Variants in TRAF5 observed in about 807,000 individuals in gnomAD.
TRAF5 encodes TNF receptor associated factor 5, also known as TNF receptor-associated factor 5.
In TRAF5, 48 loss-of-function variants were observed where a neutral mutation model predicts 64.5. That is an observed-to-expected ratio of 0.74 (90% CI 0.59 to 0.95). The LOEUF is 0.95. Ranked by LOEUF, TRAF5 falls within the 40% of genes least tolerant of loss-of-function variation. TRAF5 has a pLI of 0.00. For missense variants in TRAF5, 545 were observed against 662.8 expected (o/e 0.82, Z 1.95); for synonymous variants, 206 against 240.5 (o/e 0.86, Z 1.33).
At position 211,360,686 on chromosome 1, in the gene TRAF5, A is replaced by G. The variant is rs996967038; in HGVS notation, c.544-16A>G. ...GAAAGACAACCCTTTGTTTTATTGC[A>G]CTTTCTCTATTTCAGAATCATGAGG... On this transcript the variant is annotated splice_polypyrimidine_tract_variant and intron_variant, in intron 5 of 10. Coordinates refer to ENST00000261464, the MANE Select transcript of TRAF5 (RefSeq NM_001033910.3). 2 of 1,606,292 alleles carry G rather than the reference A, an allele frequency of 1.2e-6. No individual in the cohort carries two copies. The highest frequency in any genetic ancestry group is 1.7e-6 in the Non-Finnish European group (2 of 1,173,130).
chr1:211,355,026 A>C (rs1702915494), intron 3 of TRAF5, among the ~76,000 whole-genome samples: 1 of 152,122 alleles, frequency 6.6e-6, no homozygotes, highest in South Asian at 2.1e-4. Flanking sequence ...TACAGAAATT[A>C]GCTAGGTGTG....
In TRAF5 at chr1:211,353,226, C is replaced by A; in HGVS notation, c.-1-13C>A. On this transcript the variant is annotated splice_polypyrimidine_tract_variant and intron_variant, in intron 1 of 10. Transcript: ENST00000261464. ...CACACTTAATTTTCCCTCTCCTCCC[C>A]TGACCTCTGCAGAATGGCTTATTCA... The A allele has an allele frequency of 6.2e-7, 1 of 1,613,702 alleles. No homozygotes were observed. Among genetic ancestry groups the A allele is most frequent in the Non-Finnish European group, 8.5e-7 (1 of 1,179,664 alleles).
chr1:211,332,796 A>G (rs1702190728), intron 1 of TRAF5, among the ~76,000 whole-genome samples: 1 of 152,214 alleles, frequency 6.6e-6, no homozygotes, highest in South Asian at 2.1e-4. Context: ...AGAACATTTT[A>G]GTCACCCTTA....
intron 8 of TRAF5, among the ~76,000 whole-genome samples, chr1:211,365,727 G>T (rs1013270577): frequency 2.0e-5 from 3 of 152,120 alleles, no homozygotes; most frequent in African/African-American, 4.8e-5. Context: ...TGTTTTAATC[G>T]TAAGTAGCAT....
At chr1:211,358,087 A>AG (rs1256289004) in intron 4 of TRAF5, 1 of 152,224 alleles carries the variant, frequency 6.6e-6, no homozygotes, top group Non-Finnish European at 1.5e-5. Flanking sequence ...AAGGACCCTC[A>AG]GGGGGACAAG....
chr1:211,358,497 A>C (rs11804883), intron 4 of TRAF5: 1,538 of 150,848 alleles, frequency 0.01, 22 homozygotes, highest in African/African-American at 0.035. Context: ...AAAACAAAAA[A>C]AAACCTAGAA....
rs749438423 is a variant in TRAF5, at chr1:211,353,346, T to C, written c.107T>C (p.Val36Ala). ...DFEPSIEYQF[V>A]ERLEERYKCA... ...GAGCCCAGTATAGAGTACCAGTTTG[T>C]GGAGCGGTTGGAAGAGCGCTACAAA... Residue 36 changes from valine to alanine, a missense_variant, in exon 2 of 11, where the codon GTG becomes GCG. Coordinates refer to ENST00000261464, the MANE Select transcript of TRAF5 (RefSeq NM_001033910.3). 2 of 1,614,130 alleles carry C rather than the reference T, an allele frequency of 1.2e-6. No homozygotes were observed. Among genetic ancestry groups the C allele is most frequent in the African/African-American group, 1.3e-5 (1 of 74,946 alleles).
chr1:211,371,508 T>C, intron 10 of TRAF5, 38 bp downstream of exon 10: 1 of 1,591,166 alleles, frequency 6.3e-7, no homozygotes, highest in Non-Finnish European at 8.5e-7. Context: ...GGTGACTCAT[T>C]TGTCTGCATG....
chr1:211,345,367 C>G (rs958361122), intron 1 of TRAF5, among the ~76,000 whole-genome samples: 33 of 151,926 alleles, frequency 2.2e-4, no homozygotes, highest in African/African-American at 7.3e-4. Context: ...GCGCTCCCCC[C>G]CCCTCCTTTT....
intron 4 of TRAF5, chr1:211,358,460 G>T (rs1437068034): frequency 6.7e-6 from 1 of 148,938 alleles, no homozygotes; most frequent in Non-Finnish European, 1.5e-5. Context: ...CTGGGTGACG[G>T]TGCGAGACTC....
chr1:211,337,033 C>T (rs546062884), intron 1 of TRAF5, among the ~76,000 whole-genome samples: 1 of 152,304 alleles, frequency 6.6e-6, no homozygotes, highest in East Asian at 1.9e-4. Flanking sequence ...CACCTGGCCA[C>T]GTGCACTGTT....
chr1:211,342,482 G>T (rs930846609), intron 1 of TRAF5, among the ~76,000 whole-genome samples: 2 of 151,942 alleles, frequency 1.3e-5, no homozygotes, highest in African/African-American at 4.8e-5. Context: ...TCATTTCTTT[G>T]TGTTACAATC....
intron 3 of TRAF5, among the ~76,000 whole-genome samples, chr1:211,355,138 A>AC (rs1702919289): frequency 6.6e-6 from 1 of 151,472 alleles, no homozygotes; most frequent in Non-Finnish European, 1.5e-5. Flanking sequence ...ATGCCACTGC[A>AC]CTCCAGCCTG....
chr1:211,339,282 G>T (rs1292700222), intron 1 of TRAF5, among the ~76,000 whole-genome samples: 1 of 152,162 alleles, frequency 6.6e-6, no homozygotes, highest in Non-Finnish European at 1.5e-5. Flanking sequence ...TACATGTCAG[G>T]TTTTAGTTTT....
intron 1 of TRAF5, among the ~76,000 whole-genome samples, chr1:211,351,743 C>G (rs1336949091): frequency 2.0e-5 from 3 of 152,110 alleles, no homozygotes; most frequent in Admixed American, 2.0e-4. Context: ...TTGTTTTGCC[C>G]TTTCTCCTTT....
chr1:211,365,647 C>A, intron 8 of TRAF5, 179 bp downstream of exon 8: 1 of 510,662 alleles, frequency 2.0e-6, no homozygotes, highest in East Asian at 3.3e-5. Flanking sequence ...TTGGAAGGTG[C>A]CCTTAGGATC....
Position 211,372,191 on chromosome 1 carries a change from G to A in TRAF5, c.1163G>A (p.Ser388Asn). The A allele has an allele frequency of 6.2e-7, 1 of 1,613,174 alleles. No individual in the cohort carries two copies. Among genetic ancestry groups the A allele is most frequent in the Non-Finnish European group, 8.5e-7 (1 of 1,179,880 alleles). The change falls in exon 11 of 11, where the codon AGT becomes AAT. Residue 388 changes from serine to asparagine, a missense_variant. By Grantham distance (46) the Ser-to-Asn change is conservative (BLOSUM62 1). Coordinates refer to ENST00000261464, the MANE Select transcript of TRAF5 (RefSeq NM_001033910.3). ...ATTAATATTCATAAAGCACAGCTGAGTAAAAATGAAGAGCGATTTAAACTG... is the reference window on the plus strand; with the variant it reads ...ATTAATATTCATAAAGCACAGCTGAATAAAAATGAAGAGCGATTTAAACTG... ...THINIHKAQL[S>N]KNEERFKLLE...
intron 1 of TRAF5, among the ~76,000 whole-genome samples, chr1:211,336,226 G>A (rs1429547960): frequency 6.6e-6 from 1 of 152,212 alleles, no homozygotes; most frequent in African/African-American, 2.4e-5. Flanking sequence ...CCCCATAAAT[G>A]TTGATTGCAT....
At chr1:211,336,807 A>G (rs1005462753) in intron 1 of TRAF5, among the ~76,000 whole-genome samples, 8 of 152,210 alleles carry the variant, frequency 5.3e-5, no homozygotes, top group African/African-American at 1.7e-4. Flanking sequence ...TTACAGGCGT[A>G]TGCCACCATG....
Sources: allele counts gnomAD v4.1 joint callset (sites outside exome capture counted in the v4.1 genomes callset), GRCh38; gene constraint gnomAD v4.1.1; transcripts MANE v1.5; gene names NCBI Gene and HGNC (gene_info 2026-07-23, HGNC 2026-07-21).